Variants in GSAP observed in about 807,000 individuals in gnomAD.
The protein encoded by GSAP is gamma-secretase-activating protein.
Under a neutral mutation model 131.7 loss-of-function variants are expected in GSAP, and 118 were observed. The ratio of observed to expected loss-of-function variants is 0.90; its 90% CI spans 0.77 to 1.04. GSAP has a LOEUF of 1.04. GSAP is among the 50% of genes least tolerant of loss of function. The pLI, the probability that GSAP is intolerant of heterozygous loss-of-function variation, is 0.00. For missense variants in GSAP, 1,019 were observed against 1,013.2 expected (o/e 1.01, Z -0.08); for synonymous variants, 381 against 363.4 (o/e 1.05, Z -0.55).
intron 12 of GSAP, among the ~76,000 whole-genome samples, chr7:77,364,065 C>G (rs1056589280): frequency 6.6e-6 from 1 of 152,020 alleles, no homozygotes; most frequent in Admixed American, 6.6e-5. Context: ...ACTTTAGATT[C>G]TCTAGTAATA....
Position 77,330,371 on chromosome 7 carries a change from T to C in GSAP, c.1546-4A>G. On this transcript the variant is annotated splice_region_variant and splice_polypyrimidine_tract_variant and intron_variant, in intron 19 of 30. Transcript: ENST00000257626. ...AGTAGCCCTTAAAGCTGAGCACCTGTAGGAGACAAAAACATCAGTGGCCTT... is the reference window on the plus strand; with the variant it reads ...AGTAGCCCTTAAAGCTGAGCACCTGCAGGAGACAAAAACATCAGTGGCCTT... 2.5e-6 allele frequency: 4 copies of C among 1,612,806 alleles called. No homozygotes were observed. The highest frequency in any genetic ancestry group is 2.5e-6 in the Non-Finnish European group (3 of 1,179,288).
chr7:77,312,539 T>C (rs1794509781), intron 28 of GSAP, among the ~76,000 whole-genome samples: 1 of 152,240 alleles, frequency 6.6e-6, no homozygotes, highest in Non-Finnish European at 1.5e-5. Context: ...TACGCATGTT[T>C]ATATCAACTT....
At chr7:77,359,394 A>G (rs1424794497) in intron 14 of GSAP, among the ~76,000 whole-genome samples, 7 of 152,308 alleles carry the variant, frequency 4.6e-5, no homozygotes. Flanking sequence ...TTAAATAAAT[A>G]GTAGCTCATT....
chr7:77,313,036 A>G (rs573949721), intron 28 of GSAP, among the ~76,000 whole-genome samples: 1 of 151,740 alleles, frequency 6.6e-6, no homozygotes, highest in South Asian at 2.1e-4. Context: ...ATATTCCCTC[A>G]TGTTTCTCAT....
intron 1 of GSAP, among the ~76,000 whole-genome samples, chr7:77,407,049 T>A (rs1312713945): frequency 6.6e-6 from 1 of 152,106 alleles, no homozygotes; most frequent in Non-Finnish European, 1.5e-5. Context: ...CAGGCACAAC[T>A]CATTTCAGGG....
At chr7:77,365,548 A>G (rs1000463570) in intron 12 of GSAP, among the ~76,000 whole-genome samples, 2 of 152,114 alleles carry the variant, frequency 1.3e-5, no homozygotes, top group Non-Finnish European at 2.9e-5. Flanking sequence ...CCATGTTCCC[A>G]CAAAAGACAT....
chr7:77,350,497 A>T (rs902468636), intron 18 of GSAP, among the ~76,000 whole-genome samples: 3 of 149,930 alleles, frequency 2.0e-5, no homozygotes, highest in Admixed American at 6.7e-5. Flanking sequence ...GAACTTTGGG[A>T]GGCCAAGGCT....
chr7:77,347,708 C>T (rs1792120458), intron 19 of GSAP, among the ~76,000 whole-genome samples: 2 of 152,076 alleles, frequency 1.3e-5, no homozygotes, highest in African/African-American at 2.4e-5. Context: ...TATCTAATAT[C>T]TGTAGATCAC....
At chr7:77,398,165 G>C (rs537199625) in intron 3 of GSAP, among the ~76,000 whole-genome samples, 98 of 152,280 alleles carry the variant, frequency 6.4e-4, no homozygotes, top group Non-Finnish European at 1.1e-3. Flanking sequence ...GAAAGAGACA[G>C]TCTTCGACCT....
chr7:77,410,970 CATT>C (rs1256370896), intron 1 of GSAP, among the ~76,000 whole-genome samples: 1 of 151,300 alleles, frequency 6.6e-6, no homozygotes, highest in East Asian at 1.9e-4. Flanking sequence ...ATGCAGTAAA[CATT>C]ATGTGATTTA....
chr7:77,354,297 T>C (rs568827476), intron 16 of GSAP, among the ~76,000 whole-genome samples: 4 of 152,326 alleles, frequency 2.6e-5, no homozygotes, highest in African/African-American at 9.6e-5. Context: ...AATTAGGTAA[T>C]ACGATATTAC....
At chr7:77,374,203 TC>T in intron 11 of GSAP, 48 bp from the exon 12 acceptor site, 7 of 927,358 alleles carry the variant, frequency 7.5e-6, no homozygotes, top group African/African-American at 1.6e-5. Flanking sequence ...TAAAAATACA[TC>T]CCTTCATAAA....
At chr7:77,363,606 AAGTC>A (rs1263260914) in intron 12 of GSAP, among the ~76,000 whole-genome samples, 2 of 152,204 alleles carry the variant, frequency 1.3e-5, no homozygotes, top group Non-Finnish European at 2.9e-5. Flanking sequence ...GGTAGAAAAA[AAGTC>A]AGTTTCCCCT....
At chr7:77,376,818 T>G in intron 10 of GSAP, 30 bp downstream of exon 10, 1 of 1,112,184 alleles carries the variant, frequency 9.0e-7, no homozygotes, top group South Asian at 1.4e-5. Context: ...TCATAAACTT[T>G]CCTGTAGTGT....
At position 77,355,399 on chromosome 7, in the gene GSAP, A is replaced by G. The variant is rs945645474; in HGVS notation, c.1152T>C (p.His384=). 5 of 1,608,848 alleles carry G rather than the reference A, an allele frequency of 3.1e-6. No homozygotes were observed. The highest frequency in any genetic ancestry group is 4.5e-5 in the East Asian group (2 of 44,836). The change falls in exon 16 of 31, where the codon CAT becomes CAC. Residue 384 remains histidine (H), a synonymous_variant. Transcript: ENST00000257626. ...ACCCTGACAATGACTGTAAAGGGCA[A>G]TGAGGTAGCATATCAATCATTTCAT... The part of the protein sequence containing the change: ...GNNEMIDMLP[H]CPLQSLSGSL...
At chr7:77,412,653 A>C (rs544883486) in intron 1 of GSAP, among the ~76,000 whole-genome samples, 1 of 152,246 alleles carries the variant, frequency 6.6e-6, no homozygotes, top group Non-Finnish European at 1.5e-5. Context: ...CAATTAAAAA[A>C]AATAGGAAAG....
intron 12 of GSAP, among the ~76,000 whole-genome samples, chr7:77,364,001 TC>T (rs748401177): frequency 1.5e-4 from 23 of 152,176 alleles, no homozygotes; most frequent in Non-Finnish European, 5.9e-5. Context: ...TACTTGTTTA[TC>T]CATTCTTTTA....
chr7:77,323,580 A>G (rs1787937000), intron 24 of GSAP, 67 bp downstream of exon 24: 1 of 735,070 alleles, frequency 1.4e-6, no homozygotes, highest in South Asian at 1.8e-5. Flanking sequence ...TCCCTGCACC[A>G]CATTTTCAGA....
intron 1 of GSAP, among the ~76,000 whole-genome samples, chr7:77,412,230 T>C (rs1166327714): frequency 2.0e-5 from 3 of 152,160 alleles, no homozygotes; most frequent in Admixed American, 2.0e-4. Context: ...AAAGGAGACC[T>C]ACATAAGGAA....
Sources: gnomAD v4.1 joint callset for allele counts (sites outside exome capture counted in the v4.1 genomes callset) on GRCh38, gnomAD v4.1.1 for gene constraint, MANE v1.5 for transcripts, NCBI Gene and HGNC (gene_info 2026-07-23, HGNC 2026-07-21) for gene names.